The following MYO1D variants were observed in gnomAD, a reference collection of about 807,000 sequenced individuals.
MYO1D encodes unconventional myosin-Id.
MYO1D carries 83 observed loss-of-function variants against 122.0 expected under a neutral mutation model. The observed-to-expected ratio is 0.68, with a 90% CI of 0.57 to 0.82. The LOEUF is 0.82. Among genes scored for constraint, MYO1D ranks in the 40% least tolerant of loss-of-function variants. The probability of loss-of-function intolerance (pLI) is 0.00; values close to 1 mark genes in which losing one functional copy is unlikely to be tolerated. For synonymous variants in MYO1D, 464 were observed against 446.9 expected, an observed-to-expected ratio of 1.04 and a Z score of -0.48; for missense variants, 1,157 against 1,269.5, an observed-to-expected ratio of 0.91 and a Z score of 1.35.
chr17:32,824,834 C>A (rs565991958), intron 1 of MYO1D, among the ~76,000 whole-genome samples: 429 of 152,280 alleles, frequency 2.8e-3, no homozygotes, highest in Middle Eastern at 0.014. Flanking sequence ...TGCCTTCTCC[C>A]GCTCTTCCTC....
At chr17:32,614,230 C>T (rs2087742810) in intron 20 of MYO1D, among the ~76,000 whole-genome samples, 1 of 150,816 alleles carries the variant, frequency 6.6e-6, no homozygotes, top group Non-Finnish European at 1.5e-5. Flanking sequence ...TTGGTATTCC[C>T]CCCACCTCCC....
At chr17:32,539,108 A>AAAAT (rs983657393) in intron 21 of MYO1D, among the ~76,000 whole-genome samples, 8 of 152,172 alleles carry the variant, frequency 5.3e-5, no homozygotes, top group East Asian at 1.9e-4. Context: ...CCTGGAACTT[A>AAAAT]AAATAAATAA....
At chr17:32,531,626 T>G (rs1910509808) in intron 21 of MYO1D, 2 of 152,252 alleles carry the variant, frequency 1.3e-5, no homozygotes, top group Non-Finnish European at 2.9e-5. Flanking sequence ...AGCTCTGCAT[T>G]CAGACATTAA....
rs765171426 is a variant in MYO1D at position 32,780,781 on chromosome 17, A to C, written c.99T>G (p.Phe33Leu). 4.3e-6 allele frequency: 7 copies of C among 1,613,984 alleles called. No individual in the cohort carries two copies. The highest frequency in any genetic ancestry group is 5.9e-6 in the Non-Finnish European group (7 of 1,179,984). Residue 33 changes from phenylalanine (F) to leucine (L), a missense_variant, in exon 2 of 22, where the codon TTT (phenylalanine) becomes TTG (leucine). Phe to Leu is a conservative substitution (Grantham distance 22). Transcript: ENST00000318217. ...TGAACGTATAGATGCGCCCTTTTTCAAATCTGTACAGAAGCAAAAGAAAAG... is the reference window on the plus strand; with the variant it reads ...TGAACGTATAGATGCGCCCTTTTTCCAATCTGTACAGAAGCAAAAGAAAAG... ...PEFMANLRLRFEKGRIYTFIG... is the reference protein window; with the variant it reads ...PEFMANLRLRLEKGRIYTFIG...
intron 17 of MYO1D, among the ~76,000 whole-genome samples, chr17:32,656,076 CTT>C (rs2088473045): frequency 6.6e-6 from 1 of 152,138 alleles, no homozygotes; most frequent in South Asian, 2.1e-4. Context: ...TACAAGTTCT[CTT>C]ATGCGCTTGG....
chr17:32,654,530 G>C lies in MYO1D; in HGVS notation c.2437C>G (p.Gln813Glu). 1 of 1,614,142 alleles carries C rather than the reference G, an allele frequency of 6.2e-7. No individual in the cohort carries two copies. The highest frequency in any genetic ancestry group is 8.5e-7 in the Non-Finnish European group (1 of 1,180,010). Reference sequence around the variant, plus strand: ...CTCTGGAGCCCGAGGTCAGCCCTTTGACCCTTCAACATTTCCACGGCTGCA... The same window carrying C: ...CTCTGGAGCCCGAGGTCAGCCCTTTCACCCTTCAACATTTCCACGGCTGCA... ...KVAAVEMLKG[Q>E]RADLGLQRAW... Residue 813 changes from glutamine (Q) to glutamate (E), a missense_variant, in exon 18 of 22, where the codon CAA becomes GAA. Gln to Glu is a conservative substitution (Grantham distance 29). Coordinates refer to ENST00000318217, the MANE Select transcript of MYO1D (RefSeq NM_015194.3).
At chr17:32,638,141 AAT>A (rs1367777409) in intron 20 of MYO1D, among the ~76,000 whole-genome samples, 1 of 152,224 alleles carries the variant, frequency 6.6e-6, no homozygotes, top group Admixed American at 6.5e-5. Flanking sequence ...AAGAAGGACA[AAT>A]TACAAACAAA....
At chr17:32,560,989 G>C (rs2087120298) in intron 21 of MYO1D, among the ~76,000 whole-genome samples, 1 of 148,204 alleles carries the variant, frequency 6.7e-6, no homozygotes, top group African/African-American at 2.5e-5. Context: ...TCGATTCACT[G>C]CTACCTCTGC....
intron 16 of MYO1D, among the ~76,000 whole-genome samples, chr17:32,694,004 A>T (rs2089138566): frequency 6.6e-6 from 1 of 152,192 alleles, no homozygotes; most frequent in African/African-American, 2.4e-5. Flanking sequence ...ATAGGCTTAT[A>T]TTATAAATCG....
intron 21 of MYO1D, among the ~76,000 whole-genome samples, chr17:32,553,356 A>G (rs2087038641): frequency 6.6e-6 from 1 of 152,216 alleles, no homozygotes; most frequent in Non-Finnish European, 1.5e-5. Flanking sequence ...CTGCCTTTAC[A>G]GAGGAGGCGA....
intron 13 of MYO1D, among the ~76,000 whole-genome samples, chr17:32,739,978 C>G (rs1598054800): frequency 6.6e-6 from 1 of 152,176 alleles, no homozygotes; most frequent in African/African-American, 2.4e-5. Context: ...GCTGCAATAA[C>G]CTGTGGCTTA....
chr17:32,702,762 C>A (rs575795522), intron 16 of MYO1D, among the ~76,000 whole-genome samples: 28 of 152,280 alleles, frequency 1.8e-4, no homozygotes, highest in African/African-American at 6.5e-4. Flanking sequence ...TGTAGTTTCA[C>A]ACAACTACAA....
chr17:32,806,611 A>C (rs577216724), intron 1 of MYO1D, among the ~76,000 whole-genome samples: 6 of 152,288 alleles, frequency 3.9e-5, no homozygotes, highest in Admixed American at 1.3e-4. Flanking sequence ...TCCTGAGCTG[A>C]AACAATCCTC....
chr17:32,507,303 C>G (rs966313432), intron 21 of MYO1D, among the ~76,000 whole-genome samples: 2 of 151,744 alleles, frequency 1.3e-5, no homozygotes, highest in Non-Finnish European at 2.9e-5. Context: ...ACTCGGGAGG[C>G]TGAGGTGGGA....
intron 14 of MYO1D, among the ~76,000 whole-genome samples, chr17:32,727,267 T>C (rs1486306396): frequency 6.6e-6 from 1 of 152,194 alleles, no homozygotes; most frequent in Non-Finnish European, 1.5e-5. Context: ...GGAGATGAGA[T>C]CCACATTGGA....
chr17:32,680,859 C>A (rs2088904132), intron 16 of MYO1D, among the ~76,000 whole-genome samples: 1 of 152,028 alleles, frequency 6.6e-6, no homozygotes, highest in Non-Finnish European at 1.5e-5. Context: ...TGGTAGAATT[C>A]GGCTGTGAAT....
intron 21 of MYO1D, among the ~76,000 whole-genome samples, chr17:32,502,073 GTCT>G (rs777855561): frequency 2.6e-4 from 39 of 152,334 alleles, no homozygotes; most frequent in Middle Eastern, 3.4e-3. Context: ...GGTCACAGAA[GTCT>G]TCTTCTGTGT....
chr17:32,653,165 A>C (rs1299161468), intron 19 of MYO1D, among the ~76,000 whole-genome samples: 2 of 152,030 alleles, frequency 1.3e-5, no homozygotes, highest in African/African-American at 4.8e-5. Flanking sequence ...AAATAAAAGA[A>C]ATAATGTAGG....
intron 1 of MYO1D, among the ~76,000 whole-genome samples, chr17:32,870,261 G>T (rs749347227): frequency 6.6e-6 from 1 of 152,100 alleles, no homozygotes; most frequent in Non-Finnish European, 1.5e-5. Context: ...GGTTGCCAAA[G>T]AATTTCACAT....
Sources: gnomAD v4.1 joint callset for allele counts (sites outside exome capture counted in the v4.1 genomes callset) on GRCh38, gnomAD v4.1.1 for gene constraint, MANE v1.5 for transcripts, NCBI Gene and HGNC (gene_info 2026-07-23, HGNC 2026-07-21) for gene names.